The following GOLGA4 variants were observed in gnomAD, a reference collection of about 807,000 sequenced individuals.
The protein encoded by GOLGA4 is golgin A4.
GOLGA4 carries 169 observed loss-of-function variants against 265.9 expected under a neutral mutation model. That is an observed-to-expected ratio of 0.64 (90% confidence interval 0.56 to 0.72). GOLGA4 has a LOEUF of 0.72. Ranked by LOEUF, GOLGA4 falls within the 30% of genes least tolerant of loss-of-function variation. The pLI, the probability that GOLGA4 is intolerant of heterozygous loss-of-function variation, is 0.00. For synonymous variants in GOLGA4, 923 were observed against 855.8 expected (o/e 1.08, Z -1.37); for missense variants, 2,482 against 2,483.4 (o/e 1.00, Z 0.01).
rs775602113 is a variant in GOLGA4, at chr3:37,324,244, T to C, written c.2358T>C (p.Ile786=). Residue 786 remains isoleucine, a synonymous_variant, in exon 14 of 24, where the codon ATT becomes ATC. Transcript: ENST00000361924. ...ATGTAGAAAATTTAGAGGCAGATAT[T>C]AAAAGGTCTGAAGGGGAACTCCAGC... The part of the protein sequence containing the change: ...QAHVENLEAD[I]KRSEGELQQA... 5 of 1,613,970 alleles carry C rather than the reference T, an allele frequency of 3.1e-6. No individual in the cohort carries two copies. Among genetic ancestry groups the C allele is most frequent in the East Asian group, 2.2e-5 (1 of 44,896 alleles).
intron 13 of GOLGA4, among the ~76,000 whole-genome samples, chr3:37,323,242 T>G (rs200736314): frequency 6.8e-6 from 1 of 146,890 alleles, no homozygotes; most frequent in East Asian, 2.2e-4. Context: ...TTCCCCAACC[T>G]CAGCCTCCCG....
Position 37,324,950 on chromosome 3 carries a change from G to A in GOLGA4, c.3064G>A (p.Glu1022Lys), listed in dbSNP as rs2096965592. The change falls in exon 14 of 24, where the codon GAA becomes AAA. Residue 1022 changes from glutamate to lysine, a missense_variant. By Grantham distance (56) the Glu-to-Lys change is moderately conservative (BLOSUM62 1). Transcript: ENST00000361924. Reference protein sequence around the residue: ...AGISDAVSRLETNQKEQIESL... With the variant: ...AGISDAVSRLKTNQKEQIESL... The stretch of plus-strand genomic sequence containing the variant: ...AATCAGTGATGCAGTGTCAAGACTG[G>A]AAACAAACCAAAAAGAACAAATAGA... 6.2e-7 allele frequency: 1 copy of A among 1,613,456 alleles called. No individual in the cohort carries two copies.
intron 2 of GOLGA4, chr3:37,276,366 C>A (rs1319274352): frequency 6.2e-7 from 1 of 1,607,002 alleles, no homozygotes; most frequent in East Asian, 2.2e-5. Context: ...AGAATGACAG[C>A]AGAGGAAATG....
At chr3:37,288,633 C>T (rs543216155) in intron 4 of GOLGA4, among the ~76,000 whole-genome samples, 25 of 152,000 alleles carry the variant, frequency 1.6e-4, no homozygotes, top group African/African-American at 5.8e-4. Flanking sequence ...CCTGCCACCA[C>T]GCCTGGCTGA....
chr3:37,362,196 C>CT (rs1696328227), intron 23 of GOLGA4, among the ~76,000 whole-genome samples: 1 of 139,742 alleles, frequency 7.2e-6, no homozygotes, highest in African/African-American at 2.8e-5. Context: ...TTCTTTTAAG[C>CT]TTTTATTTAT....
intron 11 of GOLGA4, among the ~76,000 whole-genome samples, chr3:37,316,595 G>A (rs1015363936): frequency 2.0e-5 from 3 of 152,072 alleles, no homozygotes; most frequent in African/African-American, 7.2e-5. Context: ...ATAGTCATAT[G>A]ATGTGATAAG....
At chr3:37,333,761 G>A (rs2096999665) in intron 16 of GOLGA4, among the ~76,000 whole-genome samples, 1 of 152,068 alleles carries the variant, frequency 6.6e-6, no homozygotes, top group South Asian at 2.1e-4. Flanking sequence ...AGATATCTAA[G>A]GATATCTAGT....
chr3:37,315,637 T>C (rs2096935536), intron 11 of GOLGA4, 39 bp downstream of exon 11: 1 of 1,529,270 alleles, frequency 6.5e-7, no homozygotes, highest in South Asian at 1.1e-5. Flanking sequence ...TACAACAAAT[T>C]TGAAATTTAA....
chr3:37,315,438 A>C lies in GOLGA4; in HGVS notation c.1253A>C (p.Lys418Thr). 6.2e-7 allele frequency: 1 copy of C among 1,611,390 alleles called. No homozygotes were observed. Among genetic ancestry groups the C allele is most frequent in the African/African-American group, 1.3e-5 (1 of 74,670 alleles). The change falls in exon 11 of 24, where the codon AAA (lysine) becomes ACA (threonine). Residue 418 changes from lysine (K) to threonine (T), a missense_variant. Lys to Thr is a moderately conservative substitution (Grantham distance 78). Around this residue, in one of 3 missense-constraint regions of GOLGA4, gnomAD observed 1,536 missense variants for 1,483.7 expected, o/e 1.04. Coordinates refer to ENST00000361924, the MANE Select transcript of GOLGA4 (RefSeq NM_002078.5). ...SERAAFEELEKALSTAQKTEE... is the reference protein window; with the variant it reads ...SERAAFEELETALSTAQKTEE... ...ATTATAGCTTTTGAGGAACTTGAAA[A>C]AGCTTTGAGTACAGCCCAAAAAACA...
At chr3:37,279,044 G>A (rs1232313419) in intron 2 of GOLGA4, among the ~76,000 whole-genome samples, 1 of 152,114 alleles carries the variant, frequency 6.6e-6, no homozygotes, top group African/African-American at 2.4e-5. Flanking sequence ...TAAAAACAAT[G>A]TATATACACA....
intron 10 of GOLGA4, among the ~76,000 whole-genome samples, chr3:37,315,056 C>T (rs2096933799): frequency 6.6e-6 from 1 of 152,074 alleles, no homozygotes; most frequent in Non-Finnish European, 1.5e-5. Flanking sequence ...AAACGAAAAA[C>T]AATTGAAATT....
At chr3:37,348,538 C>T (rs1251420166) in intron 21 of GOLGA4, among the ~76,000 whole-genome samples, 3 of 152,086 alleles carry the variant, frequency 2.0e-5, no homozygotes, top group South Asian at 2.1e-4. Context: ...CACTATCTCA[C>T]CTCAAATACA....
Position 37,325,758 on chromosome 3 carries a change from C to A in GOLGA4, c.3872C>A (p.Ser1291Tyr), listed in dbSNP as rs201516912. The part of the protein sequence containing the change: ...LTEEQNTLNI[S>Y]FQQATHQLEE... Reference sequence around the variant, plus strand: ...GAGGAGCAAAATACACTAAATATTTCTTTTCAACAGGCTACTCATCAGTTA... The same window carrying A: ...GAGGAGCAAAATACACTAAATATTTATTTTCAACAGGCTACTCATCAGTTA... Residue 1291 changes from serine (S) to tyrosine (Y), a missense_variant, in exon 14 of 24, where the codon TCT becomes TAT. By Grantham distance (144) the Ser-to-Tyr change is moderately radical (BLOSUM62 -2). Around this residue, in one of 3 missense-constraint regions of GOLGA4, gnomAD observed 1,536 missense variants for 1,483.7 expected, o/e 1.04. Transcript: ENST00000361924. 97 of 1,613,424 alleles carry A rather than the reference C, an allele frequency of 6.0e-5. No homozygotes were observed. The highest frequency in any genetic ancestry group is 1.3e-5 in the Non-Finnish European group (15 of 1,179,638).
At chr3:37,298,725 A>G in intron 7 of GOLGA4, 108 bp from the exon 8 acceptor site, 1 of 741,476 alleles carries the variant, frequency 1.3e-6, no homozygotes, top group Non-Finnish European at 2.3e-6. Flanking sequence ...GTTAGAACCA[A>G]GATGGAGTCG....
chr3:37,353,040 A>G (rs977718173), intron 21 of GOLGA4, among the ~76,000 whole-genome samples: 1 of 152,028 alleles, frequency 6.6e-6, no homozygotes, highest in Non-Finnish European at 1.5e-5. Flanking sequence ...ACTGTGACTC[A>G]GGGAATAGAG....
At chr3:37,254,015 CAAA>C (rs57893128) in intron 2 of GOLGA4, among the ~76,000 whole-genome samples, 16 of 126,526 alleles carry the variant, frequency 1.3e-4, no homozygotes, top group African/African-American at 2.7e-4. Flanking sequence ...GACACAGTCT[CAAA>C]AAAAAAAAAA....
In GOLGA4 at chr3:37,282,039, G is replaced by A. The variant is rs2096836079; in HGVS notation, c.244G>A (p.Glu82Lys). 1 of 1,613,986 alleles carries A rather than the reference G, an allele frequency of 6.2e-7. No homozygotes were observed. Among genetic ancestry groups the A allele is most frequent in the Non-Finnish European group, 8.5e-7 (1 of 1,179,880 alleles). Residue 82 changes from glutamate (E) to lysine (K), a missense_variant, in exon 3 of 24, where the codon GAA becomes AAA. Glu to Lys is a moderately conservative substitution (Grantham distance 56, BLOSUM62 1). Around this residue, in one of 3 missense-constraint regions of GOLGA4, gnomAD observed 1,536 missense variants for 1,483.7 expected, o/e 1.04. Transcript: ENST00000361924. ...VESLFRSPIK[E>K]SLFRSSSKES... The stretch of plus-strand genomic sequence containing the variant: ...GTCTTTGTTTCGAAGTCCGATAAAG[G>A]AATCTCTATTCCGGTCTTCTTCTAA...
rs181506133 is a variant in GOLGA4, at chr3:37,302,008, C to G, written c.1087-177C>G. 5.9e-5 allele frequency among the ~76,000 whole-genome samples: 9 copies of G among 152,252 alleles called. No homozygotes were observed. The East Asian group carries it at 1.2e-3, about 20-fold the overall frequency. ...TTCGCCATGTTGGCCAGGCTGGTCT[C>G]GAACTCCTGATCTCAGGTGATCCAC... On this transcript the variant is annotated intron_variant, in intron 9 of 23. Coordinates refer to ENST00000361924, the MANE Select transcript of GOLGA4 (RefSeq NM_002078.5).
At chr3:37,271,011 G>A (rs547097163) in intron 2 of GOLGA4, among the ~76,000 whole-genome samples, 44 of 151,958 alleles carry the variant, frequency 2.9e-4, no homozygotes, top group Non-Finnish European at 4.0e-4. Context: ...TTAAGACCAC[G>A]CAACCTAGAT....
Sources: gnomAD v4.1 joint callset for allele counts (sites outside exome capture counted in the v4.1 genomes callset) on GRCh38, gnomAD v4.1.1 for gene constraint, gnomAD v4.1.1 regional missense constraint, MANE v1.5 for transcripts, NCBI Gene and HGNC (gene_info 2026-07-23, HGNC 2026-07-21) for gene names.